Variants in PLEKHG1 observed in about 807,000 individuals in gnomAD.
PLEKHG1 encodes pleckstrin homology and RhoGEF domain containing G1.
In PLEKHG1, 44 loss-of-function variants were observed where a neutral mutation model predicts 100.8. The observed-to-expected ratio is 0.44, with a 90% confidence interval of 0.34 to 0.56. The LOEUF (loss-of-function observed/expected upper bound fraction) is 0.56. Among genes scored for constraint, PLEKHG1 ranks in the 20% least tolerant of loss-of-function variants. PLEKHG1 has a pLI of 0.01. For missense variants in PLEKHG1, 1,545 were observed against 1,720.9 expected, an observed-to-expected ratio of 0.90 and a Z score of 1.81; for synonymous variants, 640 against 662.5, an observed-to-expected ratio of 0.97 and a Z score of 0.52.
intron 3 of PLEKHG1, among the ~76,000 whole-genome samples, chr6:150,674,530 T>C (rs574126763): frequency 8.9e-4 from 135 of 152,218 alleles, no homozygotes; most frequent in African/African-American, 3.1e-3. Context: ...GTTCAAAGCA[T>C]TGTTATCAGT....
At chr6:150,677,791 C>T (rs938955605) in intron 3 of PLEKHG1, among the ~76,000 whole-genome samples, 2 of 151,880 alleles carry the variant, frequency 1.3e-5, no homozygotes, top group African/African-American at 4.8e-5. Context: ...GAGGGCGGGT[C>T]ACTTGAGCCT....
At chr6:150,797,449 T>C (rs1027699171) in intron 5 of PLEKHG1, among the ~76,000 whole-genome samples, 1 of 152,092 alleles carries the variant, frequency 6.6e-6, no homozygotes, top group African/African-American at 2.4e-5. Flanking sequence ...GGCAGGAGGA[T>C]AGCTTGAGCC....
rs542373334 is a variant in PLEKHG1 at position 150,645,728 on chromosome 6, G to A, written c.-157-5000G>A. On this transcript the variant is annotated intron_variant, in intron 2 of 3. Coordinates refer to the PLEKHG1 transcript ENST00000367326. ...CATGAGAATAGCTATAATTACAATT[G>A]TGTAGCACCAAGTGTTGGCCATAGT... Among the ~76,000 whole-genome samples the A allele has an allele frequency of 4.3e-4, 66 of 152,294 alleles. 1 individual carries two copies. Among genetic ancestry groups the A allele is most frequent in the Admixed American group, 3.0e-3 (46 of 15,304 alleles).
At chr6:150,806,930 C>T (rs1305230609) in intron 7 of PLEKHG1, among the ~76,000 whole-genome samples, 1 of 151,800 alleles carries the variant, frequency 6.6e-6, no homozygotes, top group East Asian at 1.9e-4. Flanking sequence ...TGAAATCTCA[C>T]ACTGCCTTTC....
chr6:150,767,934 T>G (rs1784526468), intron 2 of PLEKHG1, among the ~76,000 whole-genome samples: 1 of 152,232 alleles, frequency 6.6e-6, no homozygotes, highest in Non-Finnish European at 1.5e-5. Flanking sequence ...CACTCAGTTA[T>G]GAACTCTTTA....
chr6:150,671,088 C>CATATATATATATATATAT (rs10566696), intron 3 of PLEKHG1, among the ~76,000 whole-genome samples: 44 of 147,506 alleles, frequency 3.0e-4, no homozygotes, highest in Middle Eastern at 3.6e-3. Context: ...AGTATTCCAT[C>CATATATATATATATATAT]ATATATATAT....
intron 3 of PLEKHG1, among the ~76,000 whole-genome samples, chr6:150,674,721 C>T (rs371955213): frequency 1.1e-4 from 17 of 148,670 alleles, no homozygotes; most frequent in African/African-American, 4.0e-4. Context: ...CTCGCTCTGT[C>T]GCTCAGGATG....
intron 14 of PLEKHG1, among the ~76,000 whole-genome samples, chr6:150,829,931 T>C (rs1340205717): frequency 6.6e-6 from 1 of 152,200 alleles, no homozygotes; most frequent in Non-Finnish European, 1.5e-5. Context: ...GCACTGGCCC[T>C]AAAGCTCCTT....
At chr6:150,601,660 G>A (rs1562374904) in intron 1 of PLEKHG1, among the ~76,000 whole-genome samples, 1 of 152,056 alleles carries the variant, frequency 6.6e-6, no homozygotes, top group Non-Finnish European at 1.5e-5. Flanking sequence ...CCACCTCCCT[G>A]GCTTCATCCT....
intron 3 of PLEKHG1, among the ~76,000 whole-genome samples, chr6:150,695,444 G>A (rs1780505529): frequency 6.6e-6 from 1 of 152,130 alleles, no homozygotes; most frequent in African/African-American, 2.4e-5. Flanking sequence ...AGGATCCTAG[G>A]CTGTATTGGG....
chr6:150,668,575 T>C (rs1219570725), intron 3 of PLEKHG1, among the ~76,000 whole-genome samples: 1 of 152,170 alleles, frequency 6.6e-6, no homozygotes, highest in African/African-American at 2.4e-5. Flanking sequence ...GTGGTTGCCA[T>C]GGAGTCTTGC....
chr6:150,737,527 C>A (rs1390173710), intron 2 of PLEKHG1, among the ~76,000 whole-genome samples: 4 of 152,104 alleles, frequency 2.6e-5, no homozygotes, highest in Admixed American at 2.6e-4. Context: ...CTCCTGACCT[C>A]ATGATCCACC....
At chr6:150,720,173 TG>T (rs1781607216), upstream of PLEKHG1, among the ~76,000 whole-genome samples, 1 of 152,226 alleles carries the variant, frequency 6.6e-6, no homozygotes, top group African/African-American at 2.4e-5. Context: ...CACAGTGCAG[TG>T]GTATCAGTTT....
At chr6:150,651,140 C>G (rs1381752855) in intron 3 of PLEKHG1, 5 of 152,238 alleles carry the variant, frequency 3.3e-5, no homozygotes, top group African/African-American at 1.2e-4. Flanking sequence ...TATAGTTTCT[C>G]TGTCTCTCAA....
chr6:150,670,790 G>A (rs1470150867), intron 3 of PLEKHG1, among the ~76,000 whole-genome samples: 1 of 152,022 alleles, frequency 6.6e-6, no homozygotes, highest in Non-Finnish European at 1.5e-5. Context: ...TATTGTTGTT[G>A]TTGTTATATG....
chr6:150,773,010 A>G (rs1784783402), intron 3 of PLEKHG1, among the ~76,000 whole-genome samples: 1 of 152,208 alleles, frequency 6.6e-6, no homozygotes, highest in Admixed American at 6.5e-5. Flanking sequence ...AATAAATTGT[A>G]TAACGTGTAA....
chr6:150,821,063 T>C (rs1408348899), intron 12 of PLEKHG1, 132 bp from the exon 14 acceptor site: 1 of 683,232 alleles, frequency 1.5e-6, no homozygotes. Context: ...GCAATGGGGA[T>C]TTTGTTAAAT....
upstream of PLEKHG1, among the ~76,000 whole-genome samples, chr6:150,718,469 CTTT>C (rs3072740): frequency 2.3e-5 from 3 of 130,678 alleles, no homozygotes; most frequent in African/African-American, 2.8e-5. Context: ...CTTCCCTTTA[CTTT>C]TTTTTTTTTT....
chr6:150,670,204 A>G (rs1260670969), intron 3 of PLEKHG1, among the ~76,000 whole-genome samples: 1 of 152,230 alleles, frequency 6.6e-6, no homozygotes, highest in Non-Finnish European at 1.5e-5. Context: ...ATGAGGAATC[A>G]ATTTTCAAAA....
Sources: allele counts gnomAD v4.1 joint callset (sites outside exome capture counted in the v4.1 genomes callset), GRCh38; gene constraint gnomAD v4.1.1; transcripts MANE v1.5; gene names NCBI Gene and HGNC (gene_info 2026-07-23, HGNC 2026-07-21).